The following DIP2C variants were observed in gnomAD, a reference collection of about 807,000 sequenced individuals.
The protein encoded by DIP2C is disco-interacting protein 2 homolog C.
DIP2C carries 33 observed loss-of-function variants against 192.4 expected under a neutral mutation model. The ratio of observed to expected loss-of-function variants is 0.17; its 90% CI spans 0.13 to 0.23. The LOEUF (loss-of-function observed/expected upper bound fraction) is 0.23. Among genes scored for constraint, DIP2C ranks in the 10% least tolerant of loss-of-function variants. The probability of loss-of-function intolerance (pLI) is 1.00; values close to 1 mark genes in which losing one functional copy is unlikely to be tolerated. For synonymous variants in DIP2C, 979 were observed against 864.1 expected (o/e 1.13, Z -2.33); for missense variants, 1,537 against 2,110.1 (o/e 0.73, Z 5.32).
chr10:554,382 A>G (rs549048929), intron 1 of DIP2C, among the ~76,000 whole-genome samples: 2 of 152,368 alleles, frequency 1.3e-5, no homozygotes, highest in East Asian at 3.9e-4. Context: ...TGGAGAAAGT[A>G]ACCTTTTCTA....
chr10:332,002 G>C (rs1299135136), intron 29 of DIP2C, among the ~76,000 whole-genome samples: 1 of 152,030 alleles, frequency 6.6e-6, no homozygotes, highest in East Asian at 1.9e-4. Context: ...GCTCACTGTA[G>C]CCCTGACCTC....
chr10:524,486 T>C (rs1846928970), intron 1 of DIP2C, among the ~76,000 whole-genome samples: 1 of 152,198 alleles, frequency 6.6e-6, no homozygotes, highest in Admixed American at 6.5e-5. Flanking sequence ...TCTACTTTTA[T>C]ATACCTTACA....
chr10:412,529 C>A (rs1034380654), intron 8 of DIP2C, among the ~76,000 whole-genome samples: 1 of 152,186 alleles, frequency 6.6e-6, no homozygotes, highest in African/African-American at 2.4e-5. Flanking sequence ...ATCATGGATG[C>A]CACACACTGT....
At position 573,469 on chromosome 10, in the gene DIP2C, C is replaced by T. The variant is rs543301783; in HGVS notation, c.86-86939G>A. On this transcript the variant is annotated intron_variant, in intron 1 of 36. Transcript: ENST00000280886. ...TGTCAACAAGGCTTGACGGCAGGGGCGCCATCTCCACTCACTGCAAGCTCC... is the reference window on the plus strand; with the variant it reads ...TGTCAACAAGGCTTGACGGCAGGGGTGCCATCTCCACTCACTGCAAGCTCC... Among the ~76,000 whole-genome samples the T allele has an allele frequency of 2.8e-4, 43 of 152,320 alleles. 1 individual carries two copies. In the South Asian group the frequency reaches 5.2e-3, roughly 18 times the overall value.
rs1959674995 is a variant in DIP2C at position 362,640 on chromosome 10, C to T, written c.2644G>A (p.Ala882Thr). 6.2e-7 allele frequency: 1 copy of T among 1,613,966 alleles called. No individual in the cohort carries two copies. Among genetic ancestry groups the T allele is most frequent in the Non-Finnish European group, 8.5e-7 (1 of 1,179,960 alleles). Reference protein sequence around the residue: ...VGVYCLALVPANTLPKTPLGG... With the variant: ...VGVYCLALVPTNTLPKTPLGG... ...AGCGGGGTTTTGGGGAGGGTGTTTGCTGGCACCAAGGCCAGGCAATAAACT... is the reference window on the plus strand; with the variant it reads ...AGCGGGGTTTTGGGGAGGGTGTTTGTTGGCACCAAGGCCAGGCAATAAACT... The change falls in exon 22 of 37, where the codon GCA becomes ACA. Residue 882 changes from alanine to threonine, a missense_variant. Ala to Thr is a moderately conservative substitution (Grantham distance 58). Around this residue, in one of 4 missense-constraint regions of DIP2C, gnomAD observed 677 missense variants for 989.9 expected, o/e 0.68. Transcript: ENST00000280886.
chr10:548,834 A>AT (rs1272953839), intron 1 of DIP2C, among the ~76,000 whole-genome samples: 1 of 145,836 alleles, frequency 6.9e-6, no homozygotes, highest in East Asian at 2.2e-4. Context: ...ACCATTGTGT[A>AT]TGTTTAAAGC....
At chr10:477,021 T>A (rs1400362261) in intron 2 of DIP2C, among the ~76,000 whole-genome samples, 5 of 246 alleles carry the variant, frequency 0.02, no homozygotes, top group African/African-American at 0.071. Flanking sequence ...TCCATTTAAA[T>A]CCAAACGTCA....
At chr10:375,288 C>T (rs1456181383) in intron 17 of DIP2C, among the ~76,000 whole-genome samples, 2 of 152,194 alleles carry the variant, frequency 1.3e-5, no homozygotes, top group Admixed American at 1.3e-4. Flanking sequence ...CTCTTGCTCG[C>T]TCAATCTCTC....
At chr10:323,992 G>A (rs1957148112) in intron 31 of DIP2C, among the ~76,000 whole-genome samples, 1 of 152,086 alleles carries the variant, frequency 6.6e-6, no homozygotes, top group Non-Finnish European at 1.5e-5. Flanking sequence ...AGCTCTGCCT[G>A]TAGCCTCTGC....
chr10:580,435 GGCGTTAAATA>G (rs1850553893), intron 1 of DIP2C, among the ~76,000 whole-genome samples: 1 of 152,088 alleles, frequency 6.6e-6, no homozygotes, highest in Non-Finnish European at 1.5e-5. Flanking sequence ...GTACATATAT[GGCGTTAAATA>G]CATGCATGTA....
intron 3 of DIP2C, among the ~76,000 whole-genome samples, chr10:469,921 C>G (rs1349822129): frequency 6.6e-6 from 1 of 152,214 alleles, no homozygotes; most frequent in Non-Finnish European, 1.5e-5. Flanking sequence ...ATTTCAGGTG[C>G]TTGGCCTACA....
At chr10:459,194 C>T (rs1231411661) in intron 3 of DIP2C, among the ~76,000 whole-genome samples, 1 of 151,922 alleles carries the variant, frequency 6.6e-6, no homozygotes, top group Non-Finnish European at 1.5e-5. Context: ...CTCTCAGAAC[C>T]CTCCCCCACC....
At chr10:423,063 T>C in intron 4 of DIP2C, 30 bp from the exon 5 acceptor site, 1 of 1,555,146 alleles carries the variant, frequency 6.4e-7, no homozygotes, top group Non-Finnish European at 8.7e-7. Flanking sequence ...ATTTGCTGTA[T>C]GTTGCAGCAA....
intron 22 of DIP2C, among the ~76,000 whole-genome samples, chr10:359,643 G>A (rs1257597217): frequency 3.9e-5 from 6 of 152,188 alleles, no homozygotes; most frequent in African/African-American, 7.2e-5. Flanking sequence ...GAGCTGCCCC[G>A]TGGTGGGAAC....
intron 4 of DIP2C, among the ~76,000 whole-genome samples, chr10:424,382 T>TTTTTTTTG (rs1388302720): frequency 5.6e-4 from 57 of 101,400 alleles, no homozygotes; most frequent in Admixed American, 1.1e-3. Context: ...TTTTTTTTTT[T>TTTTTTTTG]TGAGACAGAG....
chr10:442,465 C>T (rs1967823203), intron 3 of DIP2C, among the ~76,000 whole-genome samples: 1 of 152,142 alleles, frequency 6.6e-6, no homozygotes, highest in African/African-American at 2.4e-5. Flanking sequence ...AACTGAAGGG[C>T]TCATCAGTGA....
chr10:525,972 C>T (rs1847027680), intron 1 of DIP2C, among the ~76,000 whole-genome samples: 1 of 152,210 alleles, frequency 6.6e-6, no homozygotes, highest in Non-Finnish European at 1.5e-5. Flanking sequence ...AGTCATGGCT[C>T]ACACAGGCAG....
chr10:456,150 A>C (rs1969273672), intron 3 of DIP2C, among the ~76,000 whole-genome samples: 1 of 120,952 alleles, frequency 8.3e-6, no homozygotes, highest in Non-Finnish European at 1.7e-5. Flanking sequence ...AGATGAAAAC[A>C]CTCTGCAGTG....
intron 8 of DIP2C, among the ~76,000 whole-genome samples, chr10:411,471 C>A (rs1283834686): frequency 1.3e-5 from 2 of 152,190 alleles, no homozygotes; most frequent in East Asian, 1.9e-4. Context: ...TGTTACTGAT[C>A]CCAAGTTTAT....
Sources: gnomAD v4.1 joint callset for allele counts (sites outside exome capture counted in the v4.1 genomes callset) on GRCh38, gnomAD v4.1.1 for gene constraint, gnomAD v4.1.1 regional missense constraint, MANE v1.5 for transcripts, NCBI Gene and HGNC (gene_info 2026-07-23, HGNC 2026-07-21) for gene names.